The following RNF213 variants were observed in gnomAD, a reference collection of about 807,000 sequenced individuals.
The protein encoded by RNF213 is E3 ubiquitin-protein ligase RNF213.
A neutral mutation model predicts 514.4 loss-of-function variants in RNF213; 341 were observed. That is an observed-to-expected ratio of 0.66 (90% confidence interval 0.61 to 0.73). The LOEUF (loss-of-function observed/expected upper bound fraction) is 0.73. RNF213 is among the 30% of genes least tolerant of loss of function. The pLI is 0.00. For missense variants in RNF213, 5,767 were observed against 6,615.6 expected, an observed-to-expected ratio of 0.87 and a Z score of 4.45; for synonymous variants, 2,655 against 2,658.2, an observed-to-expected ratio of 1.00 and a Z score of 0.04.
In RNF213 at chr17:80,377,943, G is replaced by C; in HGVS notation, c.13545+147G>C. Reference sequence around the variant, plus strand: ...GACTGCCCAGGGTGCTCTGAGCAGGGCAATGCCAATGGCGCTAAGGGTTTC... The same window carrying C: ...GACTGCCCAGGGTGCTCTGAGCAGGCCAATGCCAATGGCGCTAAGGGTTTC... On this transcript the variant is annotated intron_variant, in intron 54 of 67. Coordinates refer to ENST00000582970, the MANE Select transcript of RNF213 (RefSeq NM_001256071.3). The surrounding 1 kb of genome is among the most constrained non-coding windows in gnomAD (Gnocchi z 4.1). The C allele has an allele frequency of 1.1e-6, 1 of 920,600 alleles. No homozygotes were observed. Among genetic ancestry groups the C allele is most frequent in the Non-Finnish European group, 1.8e-6 (1 of 558,298 alleles). 57.0% of individuals were successfully genotyped at this position (920,600 alleles called of 1,614,324 possible).
Position 80,393,774 on chromosome 17 carries a change from A to G in RNF213, c.*276A>G. On this transcript the variant is annotated 3_prime_UTR_variant, in exon 68 of 68. Transcript: ENST00000582970. Reference sequence around the variant, plus strand: ...CAATGAAGATTAGATGAAATTGGAAATAAACCAACATTGTTTACATTCCAG... The same window carrying G: ...CAATGAAGATTAGATGAAATTGGAAGTAAACCAACATTGTTTACATTCCAG... The G allele has an allele frequency of 2.3e-6, 1 of 427,624 alleles. No individual in the cohort carries two copies. The highest frequency in any genetic ancestry group is 2.2e-5 in the South Asian group (1 of 45,800). The allele number at this position is 427,624 out of a possible 1,614,324, so 26.5% of individuals were successfully genotyped here. A position where few individuals can be genotyped will look rare whatever the true frequency, so the allele number is the denominator to read the frequency against.
In RNF213 at chr17:80,360,734, G is replaced by T. The variant is rs116750502; in HGVS notation, c.11200+528G>T. On this transcript the variant is annotated intron_variant, in intron 38 of 67. Coordinates refer to ENST00000582970, the MANE Select transcript of RNF213 (RefSeq NM_001256071.3). ...TCTGCTGCCAGATGCCAGAAGATTT[G>T]CCCTAGTCCAGAAAAACCAACGACA... Among the ~76,000 whole-genome samples the T allele has an allele frequency of 7.4e-3, 1,131 of 152,290 alleles. 11 individuals are homozygous for T. Among genetic ancestry groups the T allele is most frequent in the African/African-American group, 0.026 (1,068 of 41,558 alleles).
chr17:80,339,059 A>T, intron 25 of RNF213, 142 bp from the exon 26 acceptor site: 2 of 380,658 alleles, frequency 5.3e-6, no homozygotes, highest in South Asian at 1.6e-4. Context: ...GTAGATGAGG[A>T]GGGAGGCCTT....
chr17:80,369,995 GAC>G (rs1255251209), intron 46 of RNF213, 128 bp downstream of exon 46: 11 of 739,634 alleles, frequency 1.5e-5, no homozygotes, highest in Non-Finnish European at 2.5e-5. Context: ...TTTTCGGTGA[GAC>G]ACAGCCTGGT....
rs529335275 is a variant in RNF213, at chr17:80,377,956, C to T, written c.13545+160C>T. Among the ~76,000 whole-genome samples the T allele has an allele frequency of 2.0e-5, 3 of 152,224 alleles. No homozygotes were observed. Among genetic ancestry groups the T allele is most frequent in the East Asian group, 1.9e-4 (1 of 5,164 alleles). Reference sequence around the variant, plus strand: ...GCTCTGAGCAGGGCAATGCCAATGGCGCTAAGGGTTTCTAGCCCAGGGCTT... The same window carrying T: ...GCTCTGAGCAGGGCAATGCCAATGGTGCTAAGGGTTTCTAGCCCAGGGCTT... On this transcript the variant is annotated intron_variant, in intron 54 of 67. Coordinates refer to ENST00000582970, the MANE Select transcript of RNF213 (RefSeq NM_001256071.3). The surrounding 1 kb of genome is among the most constrained non-coding windows in gnomAD (Gnocchi z 4.1).
chr17:80,313,715 G>C (rs1459203074), intron 15 of RNF213, among the ~76,000 whole-genome samples: 1 of 149,192 alleles, frequency 6.7e-6, no homozygotes, highest in East Asian at 2.0e-4. Context: ...TGGTGATGGA[G>C]GTGGTGGTGG....
chr17:80,374,409 G>C (rs1449535745), intron 49 of RNF213, 49 bp from the exon 50 acceptor site: 1 of 1,612,976 alleles, frequency 6.2e-7, no homozygotes, highest in Non-Finnish European at 8.5e-7. Flanking sequence ...ACGGTTCTTT[G>C]CAAGACATTC....
Position 80,263,299 on chromosome 17 carries a change from C to T in RNF213, c.-108-275C>T, listed in dbSNP as rs1425099085. 1.3e-5 allele frequency among the ~76,000 whole-genome samples: 2 copies of T among 152,182 alleles called. No homozygotes were observed. Among genetic ancestry groups the T allele is most frequent in the Non-Finnish European group, 2.9e-5 (2 of 68,026 alleles). ...GAGGGTGAGGCATCAGCAGGCTGAGCGCCTTGCTCAGGGCAGGCCGTGGGA... is the reference window on the plus strand; with the variant it reads ...GAGGGTGAGGCATCAGCAGGCTGAGTGCCTTGCTCAGGGCAGGCCGTGGGA... On this transcript the variant is annotated intron_variant, in intron 1 of 67. Coordinates refer to ENST00000582970, the MANE Select transcript of RNF213 (RefSeq NM_001256071.3). The surrounding 1 kb of genome is among the most constrained non-coding windows in gnomAD (Gnocchi z 4.9).
Position 80,393,742 on chromosome 17 carries a change from G to A in RNF213, c.*244G>A. The A allele has an allele frequency of 4.0e-6, 2 of 495,010 alleles. No homozygotes were observed. The highest frequency in any genetic ancestry group is 5.6e-4 in the Middle Eastern group (1 of 1,772). The allele number at this position is 495,010 out of a possible 1,614,324, so 30.7% of individuals were successfully genotyped here. A position where few individuals can be genotyped will look rare whatever the true frequency, so the allele number is the denominator to read the frequency against. Reference sequence around the variant, plus strand: ...TCATTTTATGAGTACTGTTCATTGAGAGATGACAATGAAGATTAGATGAAA... The same window carrying A: ...TCATTTTATGAGTACTGTTCATTGAAAGATGACAATGAAGATTAGATGAAA... On this transcript the variant is annotated 3_prime_UTR_variant, in exon 68 of 68. Transcript: ENST00000582970.
rs907947664 is a variant in RNF213 at position 80,395,203 on chromosome 17, T to C, written c.*1705T>C. The C allele has an allele frequency of 1.3e-5, 2 of 151,854 alleles. No homozygotes were observed. Among genetic ancestry groups the C allele is most frequent in the African/African-American group, 2.4e-5 (1 of 41,334 alleles). 9.4% of individuals were successfully genotyped at this position (151,854 alleles called of 1,614,324 possible). On this transcript the variant is annotated 3_prime_UTR_variant, in exon 68 of 68. Transcript: ENST00000582970. ...GCCTTAACTGTCAAATCTTGCATTA[T>C]CTTGTTTGTACAGAAATATACTGGC...
Position 80,361,733 on chromosome 17 carries a change from G to A in RNF213, c.11201-1G>A, listed in dbSNP as rs776852931. ...GCCGCTCCTTGGTTTCCTCTCTGCA[G>A]GACTGCCCAAGAAGTTCGTGGACAT... On this transcript the variant is annotated splice_acceptor_variant, in intron 38 of 67. Transcript: ENST00000582970. LOFTEE classifies it high-confidence loss of function. The A allele has an allele frequency of 6.2e-7, 1 of 1,613,304 alleles. No individual in the cohort carries two copies. Among genetic ancestry groups the A allele is most frequent in the South Asian group, 1.1e-5 (1 of 90,970 alleles).
At chr17:80,375,963 T>C in intron 51 of RNF213, 93 bp downstream of exon 51, 2 of 1,006,098 alleles carry the variant, frequency 2.0e-6, no homozygotes, top group Non-Finnish European at 3.1e-6. Flanking sequence ...AATCATACCA[T>C]AATTTTTTTA....
At position 80,346,227 on chromosome 17, in the gene RNF213, A is replaced by G; in HGVS notation, c.7892A>G (p.Asp2631Gly). Residue 2631 changes from aspartate (D) to glycine (G), a missense_variant, in exon 29 of 68, where the codon GAT becomes GGT. Transcript: ENST00000582970. This position sits in a 1 kb window ranked among gnomAD's most constrained non-coding sequence, Gnocchi z 8.1. ...CAGGGTTTCATGAGGAAAACAGAAG[A>G]TGAGTGCAGCTTTGTCAGCCTCAGG... ...ASQGFMRKTE[D>G]ECSFVSLRDV... 1 of 1,614,168 alleles carries G rather than the reference A, an allele frequency of 6.2e-7. No homozygotes were observed. The highest frequency in any genetic ancestry group is 1.1e-5 in the South Asian group (1 of 91,078).
intron 3 of RNF213, 152 bp from the exon 4 acceptor site, chr17:80,287,663 C>CT: frequency 4.6e-6 from 2 of 433,156 alleles, no homozygotes; most frequent in Non-Finnish European, 8.9e-6. Context: ...TAATTTCATT[C>CT]TTTCCAGGAA....
chr17:80,347,693 T>G lies in RNF213; in HGVS notation c.9358T>G (p.Tyr3120Asp). 4 of 1,614,000 alleles carry G rather than the reference T, an allele frequency of 2.5e-6. No homozygotes were observed. Among genetic ancestry groups the G allele is most frequent in the Non-Finnish European group, 3.4e-6 (4 of 1,179,904 alleles). Residue 3120 changes from tyrosine (Y) to aspartate (D), a missense_variant, in exon 29 of 68, where the codon TAC (tyrosine) becomes GAC (aspartate). Physicochemically the swap from Tyr to Asp is radical, Grantham distance 160 (BLOSUM62 -3). Coordinates refer to ENST00000582970, the MANE Select transcript of RNF213 (RefSeq NM_001256071.3). This position sits in a 1 kb window ranked among gnomAD's most constrained non-coding sequence, Gnocchi z 7.2. ...CCTCTACGACGCACTCAACCAGTAC[T>G]ACGTCCACCTCGGCGGCCAGAAGTA... is the stretch of plus-strand genomic sequence containing the variant. ...ESLYDALNQY[Y>D]VHLGGQKYVD...
At position 80,344,008 on chromosome 17, in the gene RNF213, C is replaced by A; in HGVS notation, c.6335C>A (p.Ser2112Ter). ...RRTSVPSRSS[S>*]ALRTRVPQFS... ...ACGTCAGTGCCGTCGAGGAGCTCTT[C>A]AGCGCTGGTCTGTACTGTGGGGCGT... is the stretch of plus-strand genomic sequence containing the variant. Residue 2112 changes from serine to a stop codon, truncating the protein, a stop_gained, in exon 28 of 68, where the codon TCA becomes TAA. Coordinates refer to ENST00000582970, the MANE Select transcript of RNF213 (RefSeq NM_001256071.3). LOFTEE classifies it high-confidence loss of function. 1 of 1,614,192 alleles carries A rather than the reference C, an allele frequency of 6.2e-7. No individual in the cohort carries two copies. Among genetic ancestry groups the A allele is most frequent in the Non-Finnish European group, 8.5e-7 (1 of 1,180,032 alleles).
chr17:80,376,456 C>T lies in RNF213; in HGVS notation c.13341C>T (p.Ala4447=), dbSNP rs758980633. The T allele has an allele frequency of 1.9e-6, 3 of 1,614,152 alleles. No homozygotes were observed. The highest frequency in any genetic ancestry group is 2.5e-6 in the Non-Finnish European group (3 of 1,180,034). ...SNLDGTVTEM[A]IHAAAVLLCG... ...TTGATGGAACGGTGACAGAAATGGC[C>T]ATTCATGCTGCAGCCGTCCTTCTGT... Residue 4447 remains alanine, a synonymous_variant, in exon 52 of 68, where the codon GCC becomes GCT. Transcript: ENST00000582970.
chr17:80,355,378 A>AG lies in RNF213; in HGVS notation c.10862+806dup, dbSNP rs1193403847. ...GGGGTGAACGGGAATGGGAGCTTAC[A>AG]GGGGAAGAAGCGGGGTGAATGGGAA... On this transcript the variant is annotated intron_variant, in intron 36 of 67. Transcript: ENST00000582970. The AG allele has an allele frequency of 4.0e-4, 115 of 286,290 alleles. 1 individual carries two copies. Among genetic ancestry groups the AG allele is most frequent in the African/African-American group, 3.6e-3 (95 of 26,104 alleles). The allele number at this position is 286,290 out of a possible 1,614,324, so 17.7% of individuals were successfully genotyped here. A position where few individuals can be genotyped will look rare whatever the true frequency, so the allele number is the denominator to read the frequency against.
intron 46 of RNF213, 197 bp from the exon 47 acceptor site, chr17:80,371,677 T>C: frequency 2.0e-6 from 1 of 499,388 alleles, no homozygotes; most frequent in East Asian, 3.5e-5. Flanking sequence ...GGACAGCTGG[T>C]CTAAAATGTG....
Sources: allele counts gnomAD v4.1 joint callset (sites outside exome capture counted in the v4.1 genomes callset), GRCh38; gene constraint gnomAD v4.1.1; non-coding constraint Gnocchi (gnomAD v3.1); transcripts MANE v1.5; gene names NCBI Gene and HGNC (gene_info 2026-07-23, HGNC 2026-07-21).